Variants in MAF observed in about 807,000 individuals in gnomAD.
MAF encodes the protein transcription factor Maf.
A neutral mutation model predicts 22.0 loss-of-function variants in MAF; 10 were observed. The ratio of observed to expected loss-of-function variants is 0.45; its 90% confidence interval spans 0.28 to 0.77. MAF has a LOEUF of 0.77. MAF is among the 30% of genes least tolerant of loss of function. The pLI is 0.12. For missense variants in MAF, 544 were observed against 548.4 expected (o/e 0.99, Z 0.08); for synonymous variants, 337 against 255.8 (o/e 1.32, Z -3.03).
At chr16:79,373,476 G>A in the MAF span, among the ~76,000 whole-genome samples, 31 of 140,462 alleles carry the variant, frequency 2.2e-4, no homozygotes, top group Non-Finnish European at 3.5e-4. Flanking sequence ...TCCATCTCCT[G>A]GGTTCAAGCG....
chr16:79,405,388 C>T, the MAF span, among the ~76,000 whole-genome samples: 1 of 152,128 alleles, frequency 6.6e-6, no homozygotes, highest in African/African-American at 2.4e-5. Context: ...TGAAGGACTC[C>T]CAGAAACCTG....
the MAF span, among the ~76,000 whole-genome samples, chr16:79,562,468 T>C: frequency 0.27 from 41,598 of 151,978 alleles, 6,819 homozygotes; most frequent in Non-Finnish European, 0.38. Flanking sequence ...ATATAGTTAT[T>C]ACCCTTGGGA....
the MAF span, among the ~76,000 whole-genome samples, chr16:79,323,611 C>A: frequency 6.6e-5 from 10 of 152,096 alleles, no homozygotes. Flanking sequence ...GGAAAGGGTG[C>A]GTCTGGTGAT....
At chr16:79,536,238 T>C in the MAF span, among the ~76,000 whole-genome samples, 1 of 152,238 alleles carries the variant, frequency 6.6e-6, no homozygotes. Flanking sequence ...TGGAATTCAC[T>C]GCAAATTTCT....
chr16:79,492,536 C>A, the MAF span, among the ~76,000 whole-genome samples: 32 of 151,826 alleles, frequency 2.1e-4, no homozygotes, highest in African/African-American at 7.5e-4. Flanking sequence ...CTAAACCCAA[C>A]AGAAATGCAT....
At chr16:79,464,044 G>A in the MAF span, among the ~76,000 whole-genome samples, 3 of 151,982 alleles carry the variant, frequency 2.0e-5, no homozygotes, top group African/African-American at 4.8e-5. Context: ...GGAAGGGATC[G>A]GGAGCAGATG....
chr16:79,309,833 G>T, the MAF span, among the ~76,000 whole-genome samples: 2 of 152,168 alleles, frequency 1.3e-5, no homozygotes, highest in South Asian at 2.1e-4. Context: ...GTACCTCTAT[G>T]CTGTGGGAAA....
chr16:79,544,071 T>C, the MAF span, among the ~76,000 whole-genome samples: 1 of 151,930 alleles, frequency 6.6e-6, no homozygotes, highest in Non-Finnish European at 1.5e-5. Flanking sequence ...AACGGGAAAA[T>C]GTTTGTAAAA....
chr16:79,551,327 G>C, the MAF span, among the ~76,000 whole-genome samples: 1 of 152,094 alleles, frequency 6.6e-6, no homozygotes, highest in African/African-American at 2.4e-5. Context: ...TTTGAAACAG[G>C]TTCCCTTGTA....
At chr16:79,551,044 G>A in the MAF span, among the ~76,000 whole-genome samples, 5 of 152,142 alleles carry the variant, frequency 3.3e-5, no homozygotes, top group Non-Finnish European at 7.4e-5. Flanking sequence ...ACTATGCACA[G>A]GTTCTTTCTG....
the MAF span, among the ~76,000 whole-genome samples, chr16:79,226,864 G>C: frequency 2.0e-5 from 3 of 152,056 alleles, no homozygotes; most frequent in Non-Finnish European, 4.4e-5. Flanking sequence ...GAGTATTATA[G>C]CACGGCTGTG....
chr16:79,374,834 A>C, the MAF span, among the ~76,000 whole-genome samples: 64 of 152,350 alleles, frequency 4.2e-4, no homozygotes, highest in East Asian at 7.7e-4. Flanking sequence ...TTCAGAAAAC[A>C]CAGTCCGTAA....
At chr16:79,560,547 A>G in the MAF span, among the ~76,000 whole-genome samples, 1 of 152,150 alleles carries the variant, frequency 6.6e-6, no homozygotes, top group Admixed American at 6.5e-5. Context: ...TTCAAGCTAA[A>G]GGCATTTGAG....
chr16:79,547,303 T>G, the MAF span, among the ~76,000 whole-genome samples: 1 of 150,906 alleles, frequency 6.6e-6, no homozygotes. Context: ...ACACACATAC[T>G]CCTATACACA....
chr16:79,212,031 T>TGGTGGC, the MAF span: 2 of 1,536,138 alleles, frequency 1.3e-6, no homozygotes, highest in Admixed American at 2.0e-5. Context: ...TGCTTTCTGG[T>TGGTGGC]GGTGGCCTGT....
At chr16:79,325,598 A>AACACAC in the MAF span, among the ~76,000 whole-genome samples, 1,461 of 145,614 alleles carry the variant, frequency 0.01, 18 homozygotes, top group East Asian at 0.063. Context: ...CCCAGACACA[A>AACACAC]ACACACACAC....
chr16:79,224,623 C>T, the MAF span, among the ~76,000 whole-genome samples: 1 of 152,180 alleles, frequency 6.6e-6, no homozygotes, highest in Non-Finnish European at 1.5e-5. Context: ...ATCGTCTCAG[C>T]CCAAAACCTC....
At chr16:79,491,000 T>C in the MAF span, among the ~76,000 whole-genome samples, 1 of 152,136 alleles carries the variant, frequency 6.6e-6, no homozygotes, top group African/African-American at 2.4e-5. Flanking sequence ...GGAAATCACG[T>C]TGAGAATCAG....
At chr16:79,272,082 G>A in the MAF span, among the ~76,000 whole-genome samples, 1 of 152,254 alleles carries the variant, frequency 6.6e-6, no homozygotes, top group South Asian at 2.1e-4. Context: ...TGGGTGGGGG[G>A]ATGTCAATGG....
Sources: allele counts gnomAD v4.1 joint callset (sites outside exome capture counted in the v4.1 genomes callset), GRCh38; gene constraint gnomAD v4.1.1; transcripts MANE v1.5; gene names NCBI Gene and HGNC (gene_info 2026-07-23, HGNC 2026-07-21).